The following NCKAP5 variants were observed in gnomAD, a reference collection of about 807,000 sequenced individuals.
The protein encoded by NCKAP5 is nck-associated protein 5.
NCKAP5 carries 92 observed loss-of-function variants against 167.0 expected under a neutral mutation model. The ratio of observed to expected loss-of-function variants is 0.55; its 90% CI spans 0.47 to 0.66. The LOEUF (loss-of-function observed/expected upper bound fraction) is 0.66, where lower values mean the gene tolerates loss of function less well. NCKAP5 is among the 30% of genes least tolerant of loss of function. The pLI is 0.00. For missense variants in NCKAP5, 2,378 were observed against 2,315.0 expected (o/e 1.03, Z -0.56); for synonymous variants, 891 against 877.4 (o/e 1.02, Z -0.27).
At position 133,468,208 on chromosome 2, in the gene NCKAP5, G is replaced by A. The variant is rs951086738; in HGVS notation, c.69+49250C>T. ...TGCATCCCAGAGATTCTGGTATATT[G>A]TGTCTTTGTTCTAGTTGGTTTCAAA... On this transcript the variant is annotated intron_variant, in intron 3 of 19. Coordinates refer to ENST00000409261, the MANE Select transcript of NCKAP5 (RefSeq NM_207363.3). Among the ~76,000 whole-genome samples the A allele has an allele frequency of 1.4e-5, 2 of 139,608 alleles. 1 individual carries two copies. The highest frequency in any genetic ancestry group is 3.1e-5 in the Non-Finnish European group (2 of 65,384). The allele number at this position is 139,608 out of a possible 152,430, so 91.6% of individuals were successfully genotyped here.
At chr2:133,375,194 T>G (rs936516566) in intron 3 of NCKAP5, among the ~76,000 whole-genome samples, 4 of 152,194 alleles carry the variant, frequency 2.6e-5, no homozygotes, top group Admixed American at 2.6e-4. Flanking sequence ...AACACACTTC[T>G]CCCCACAATC....
At chr2:133,508,073 G>C (rs779008668) in intron 3 of NCKAP5, among the ~76,000 whole-genome samples, 2 of 152,228 alleles carry the variant, frequency 1.3e-5, no homozygotes, top group African/African-American at 2.4e-5. Flanking sequence ...TTAGGGGTAA[G>C]AGAATGTTAA....
At chr2:132,704,347 C>T (rs113618497) in intron 19 of NCKAP5, among the ~76,000 whole-genome samples, 3 of 152,272 alleles carry the variant, frequency 2.0e-5, no homozygotes, top group African/African-American at 7.2e-5. Flanking sequence ...ATCGATTGAA[C>T]TCCTGGTCAT....
chr2:133,052,031 A>C (rs1481098887), intron 6 of NCKAP5, among the ~76,000 whole-genome samples: 1 of 152,178 alleles, frequency 6.6e-6, no homozygotes, highest in Admixed American at 6.5e-5. Context: ...TGATGAACAA[A>C]CTGCACTTTC....
At chr2:132,952,192 C>T (rs2076208370) in intron 8 of NCKAP5, among the ~76,000 whole-genome samples, 2 of 152,298 alleles carry the variant, frequency 1.3e-5, no homozygotes, top group South Asian at 4.1e-4. Context: ...CTAATTATCT[C>T]TGGGAACATT....
At chr2:132,705,243 A>G (rs890234219) in intron 19 of NCKAP5, among the ~76,000 whole-genome samples, 8 of 150,910 alleles carry the variant, frequency 5.3e-5, no homozygotes, top group Non-Finnish European at 7.4e-5. Context: ...TCAGCATACA[A>G]TGTGTGGTAA....
chr2:132,976,587 GA>G lies in NCKAP5; in HGVS notation c.430-12719del, dbSNP rs1342155622. On this transcript the variant is annotated intron_variant, in intron 7 of 19. Transcript: ENST00000409261. ...TCAAAAAAAAAAAAAAAAAAAAGAA[GA>G]AGAAAGAGTAAGTATACTTAACAAT... is the stretch of plus-strand genomic sequence containing the variant. Among the ~76,000 whole-genome samples the G allele has an allele frequency of 3.4e-5, 5 of 146,390 alleles. No homozygotes were observed. The East Asian group carries it at 8.0e-4, about 23-fold the overall frequency.
chr2:133,119,660 A>G (rs2082191698), intron 6 of NCKAP5, among the ~76,000 whole-genome samples: 1 of 152,116 alleles, frequency 6.6e-6, no homozygotes, highest in Non-Finnish European at 1.5e-5. Context: ...ATGTACATCT[A>G]TTATCTATCA....
the NCKAP5 span, among the ~76,000 whole-genome samples, chr2:133,594,464 T>A: frequency 6.6e-6 from 1 of 152,136 alleles, no homozygotes; most frequent in Non-Finnish European, 1.5e-5. Flanking sequence ...AATCAGACTG[T>A]GATTTGTTCA....
chr2:133,498,468 A>C (rs149797363), intron 3 of NCKAP5, among the ~76,000 whole-genome samples: 1 of 136,360 alleles, frequency 7.3e-6, no homozygotes, highest in Non-Finnish European at 1.5e-5. Context: ...GGAAGGAAGG[A>C]AGGAAGGAAG....
Position 132,798,561 on chromosome 2 carries a change from A to T in NCKAP5, c.808-1832T>A, listed in dbSNP as rs149033047. On this transcript the variant is annotated intron_variant, in intron 11 of 19. Transcript: ENST00000409261. ...ATTAGCTATCTAAATGACTCAGTTC[A>T]TGAATGCACTTCATTATTATTTCTC... Among the ~76,000 whole-genome samples the T allele has an allele frequency of 3.7e-3, 558 of 152,364 alleles. 1 individual carries two copies. Among genetic ancestry groups the T allele is most frequent in the African/African-American group, 0.012 (494 of 41,588 alleles).
At chr2:133,491,954 T>C (rs1163218824) in intron 3 of NCKAP5, among the ~76,000 whole-genome samples, 1 of 152,226 alleles carries the variant, frequency 6.6e-6, no homozygotes, top group Non-Finnish European at 1.5e-5. Flanking sequence ...GCATTTTTAC[T>C]ACTCATATGG....
chr2:133,169,235 G>C (rs368373058), intron 5 of NCKAP5, among the ~76,000 whole-genome samples: 1 of 152,326 alleles, frequency 6.6e-6, no homozygotes, highest in Admixed American at 6.5e-5. Context: ...AACATATCAA[G>C]TGCTGTCACT....
intron 8 of NCKAP5, among the ~76,000 whole-genome samples, chr2:132,960,386 G>T (rs1043718518): frequency 6.6e-6 from 1 of 152,142 alleles, no homozygotes; most frequent in Non-Finnish European, 1.5e-5. Context: ...TCTAAGGCGG[G>T]ATCTGGGAAC....
At chr2:133,270,839 C>T (rs13418981) in intron 4 of NCKAP5, among the ~76,000 whole-genome samples, 15,459 of 151,948 alleles carry the variant, frequency 0.1, 892 homozygotes, top group South Asian at 0.15. Context: ...TAATTCTGTA[C>T]TGGGGCTCTT....
intron 19 of NCKAP5, among the ~76,000 whole-genome samples, chr2:132,713,992 T>C (rs1446139661): frequency 6.6e-6 from 1 of 152,232 alleles, no homozygotes; most frequent in East Asian, 1.9e-4. Flanking sequence ...TCTCCCCACC[T>C]GATCCAGCCT....
chr2:133,236,070 C>CAAAAAAAAAAAAAAAAA (rs527705526), intron 4 of NCKAP5, among the ~76,000 whole-genome samples: 12 of 15,656 alleles, frequency 7.7e-4, no homozygotes, highest in African/African-American at 1.6e-3. Flanking sequence ...TGTCTCAGAC[C>CAAAAAAAAAAAAAAAAA]AAAAAAAAAA....
At chr2:133,640,966 C>T in the NCKAP5 span, among the ~76,000 whole-genome samples, 1 of 152,204 alleles carries the variant, frequency 6.6e-6, no homozygotes, top group South Asian at 2.1e-4. Flanking sequence ...TAACTCTCCC[C>T]TTTTCCTGTG....
chr2:133,171,925 C>T (rs949472163), intron 5 of NCKAP5, among the ~76,000 whole-genome samples: 9 of 152,180 alleles, frequency 5.9e-5, no homozygotes, highest in African/African-American at 2.2e-4. Context: ...CTACTGCTAA[C>T]AGAATTCTTC....
Sources: gnomAD v4.1 joint callset for allele counts (sites outside exome capture counted in the v4.1 genomes callset) on GRCh38, gnomAD v4.1.1 for gene constraint, MANE v1.5 for transcripts, NCBI Gene and HGNC (gene_info 2026-07-23, HGNC 2026-07-21) for gene names.